The following PRR14L variants were observed in gnomAD, a reference collection of about 807,000 sequenced individuals.
PRR14L encodes the protein proline rich 14 like, also known as protein PRR14L.
A neutral mutation model predicts 155.0 loss-of-function variants in PRR14L; 80 were observed. The observed-to-expected ratio is 0.52, with a 90% CI of 0.43 to 0.62. The LOEUF is 0.62. PRR14L is among the 20% of genes least tolerant of loss of function. The pLI is 0.00. For missense variants in PRR14L, 2,469 were observed against 2,548.0 expected, an observed-to-expected ratio of 0.97 and a Z score of 0.67; for synonymous variants, 883 against 916.0, an observed-to-expected ratio of 0.96 and a Z score of 0.65.
At chr22:31,738,171 AG>A (rs2074792519) in intron 2 of PRR14L, among the ~76,000 whole-genome samples, 1 of 152,226 alleles carries the variant, frequency 6.6e-6, no homozygotes. Flanking sequence ...TCGCTGCTTC[AG>A]AGAACTGACA....
chr22:31,682,366 C>T lies in PRR14L; in HGVS notation c.*3161G>A, dbSNP rs1317082875. 1.3e-5 allele frequency: 2 copies of T among 151,214 alleles called. No individual in the cohort carries two copies. Among genetic ancestry groups the T allele is most frequent in the East Asian group, 1.9e-4 (1 of 5,174 alleles). 9.4% of individuals were successfully genotyped at this position (151,214 alleles called of 1,614,324 possible). A position where few individuals can be genotyped will look rare whatever the true frequency, so the allele number is the denominator to read the frequency against. ...GGGATTCACAGCATGGGTTTCTGGGCTCCTCAGGCTCCGAATAAGGCAAAC... is the reference window on the plus strand; with the variant it reads ...GGGATTCACAGCATGGGTTTCTGGGTTCCTCAGGCTCCGAATAAGGCAAAC... On this transcript the variant is annotated 3_prime_UTR_variant, in exon 9 of 9. Transcript: ENST00000327423.
intron 1 of PRR14L, among the ~76,000 whole-genome samples, chr22:31,747,616 T>C (rs2074846246): frequency 6.6e-6 from 1 of 151,790 alleles, no homozygotes; most frequent in Admixed American, 6.6e-5. Flanking sequence ...GAATAACTTT[T>C]CTATTTCCCT....
In PRR14L at chr22:31,715,564, G is replaced by A. The variant is rs530199043; in HGVS notation, c.2275C>T (p.Arg759Cys). The change falls in exon 4 of 9, where the codon CGC (arginine) becomes TGC (cysteine). Residue 759 changes from arginine (R) to cysteine (C), a missense_variant. By Grantham distance (180) the Arg-to-Cys change is radical. Transcript: ENST00000327423. ...CCAGCTGCTTCTCTCTTATTTGAGC[G>A]CAGCCTGGAATGTAGAGCTTTTGTT... ...SGTKALHSRL[R>C]SNKREAAGFP... The A allele has an allele frequency of 9.7e-6, 15 of 1,552,038 alleles. No homozygotes were observed. The highest frequency in any genetic ancestry group is 4.1e-5 in the African/African-American group (3 of 73,162).
intron 3 of PRR14L, among the ~76,000 whole-genome samples, chr22:31,720,012 G>C (rs1569499308): frequency 2.0e-5 from 3 of 152,086 alleles, no homozygotes; most frequent in South Asian, 2.1e-4. Flanking sequence ...CTGGGATTAT[G>C]GGTGTGACTC....
chr22:31,706,426 TCC>T, intron 4 of PRR14L, among the ~76,000 whole-genome samples: 4 of 146,828 alleles, frequency 2.7e-5, no homozygotes, highest in Admixed American at 1.4e-4. Flanking sequence ...ATTAAACTCT[TCC>T]TTTTTCTTTT....
chr22:31,710,875 C>G lies in PRR14L; in HGVS notation c.5756+1208G>C, dbSNP rs147785388. 3.5e-3 allele frequency among the ~76,000 whole-genome samples: 527 copies of G among 152,132 alleles called. 2 individuals are homozygous for G. The highest frequency in any genetic ancestry group is 0.012 in the African/African-American group (512 of 41,490). On this transcript the variant is annotated intron_variant, in intron 4 of 8. Coordinates refer to ENST00000327423, the MANE Select transcript of PRR14L (RefSeq NM_173566.3). ...TTCCAACTATTCTCAGTGATCACAC[C>G]CCAAGAACTCCTTCCCAGTTCACTT...
At chr22:31,710,459 CTT>C (rs11300993) in intron 4 of PRR14L, among the ~76,000 whole-genome samples, 1 of 145,906 alleles carries the variant, frequency 6.9e-6, no homozygotes. Context: ...TTTAGGGATT[CTT>C]TTTTTTTTTG....
chr22:31,737,169 G>A (rs1182546519), intron 2 of PRR14L, among the ~76,000 whole-genome samples: 3 of 152,072 alleles, frequency 2.0e-5, no homozygotes, highest in African/African-American at 7.2e-5. Flanking sequence ...CCGCTGGACA[G>A]GTACATTCCT....
intron 2 of PRR14L, 108 bp downstream of exon 2, chr22:31,738,279 G>A (rs975003478): frequency 7.4e-6 from 7 of 945,584 alleles, no homozygotes; most frequent in Middle Eastern, 2.2e-4. Context: ...TCGACATTTC[G>A]GAAATGTTTC....
rs546750289 is a variant in PRR14L at position 31,725,697 on chromosome 22, A to G, written c.475-87T>C. 7.7e-5 allele frequency: 66 copies of G among 854,374 alleles called. No homozygotes were observed. In the South Asian group the frequency reaches 1.1e-3, roughly 14 times the overall value. 52.9% of individuals were successfully genotyped at this position (854,374 alleles called of 1,614,324 possible). A position where few individuals can be genotyped will look rare whatever the true frequency, so the allele number is the denominator to read the frequency against. On this transcript the variant is annotated intron_variant, in intron 2 of 8. Coordinates refer to ENST00000327423, the MANE Select transcript of PRR14L (RefSeq NM_173566.3). ...TTATTATTATTATTTTTTGAGACAG[A>G]GTCTTGCTGTTCCCAGACTGAAGTG...
At chr22:31,718,866 G>C (rs573703861) in intron 3 of PRR14L, among the ~76,000 whole-genome samples, 1 of 148,586 alleles carries the variant, frequency 6.7e-6, no homozygotes, top group African/African-American at 2.5e-5. Context: ...ACGAGGTCAG[G>C]AGTTCAAGAC....
intron 4 of PRR14L, among the ~76,000 whole-genome samples, chr22:31,709,548 T>G (rs1042389288): frequency 3.5e-5 from 5 of 143,092 alleles, no homozygotes; most frequent in African/African-American, 7.8e-5. Context: ...TTTTTTTTTT[T>G]TTTTTTTTTT....
intron 4 of PRR14L, among the ~76,000 whole-genome samples, chr22:31,706,158 CCT>C (rs1484989142): frequency 6.6e-6 from 1 of 151,760 alleles, no homozygotes; most frequent in African/African-American, 2.4e-5. Context: ...ACGATGAAAC[CCT>C]GTCTCTACAA....
intron 2 of PRR14L, among the ~76,000 whole-genome samples, chr22:31,729,789 T>C (rs1011311969): frequency 6.6e-6 from 1 of 152,148 alleles, no homozygotes; most frequent in Admixed American, 6.6e-5. Context: ...TAATGCGTAC[T>C]GAGTTTCAGT....
chr22:31,712,920 C>T lies in PRR14L; in HGVS notation c.4919G>A (p.Cys1640Tyr). 2 of 1,551,848 alleles carry T rather than the reference C, an allele frequency of 1.3e-6. No homozygotes were observed. Among genetic ancestry groups the T allele is most frequent in the South Asian group, 1.2e-5 (1 of 84,064 alleles). The change falls in exon 4 of 9, where the codon TGT becomes TAT. Residue 1640 changes from cysteine to tyrosine, a missense_variant. Coordinates refer to ENST00000327423, the MANE Select transcript of PRR14L (RefSeq NM_173566.3). Reference sequence around the variant, plus strand: ...AGCCATTGGAAGAAGTTCAGAGGAACACCGTCGGTATCTTAGCTTCTGAGT... The same window carrying T: ...AGCCATTGGAAGAAGTTCAGAGGAATACCGTCGGTATCTTAGCTTCTGAGT... ...MKTQKLRYRRCSSELLPMAKS... is the reference protein window; with the variant it reads ...MKTQKLRYRRYSSELLPMAKS...
chr22:31,742,758 T>G (rs2074819238), intron 1 of PRR14L, among the ~76,000 whole-genome samples: 1 of 152,122 alleles, frequency 6.6e-6, no homozygotes, highest in African/African-American at 2.4e-5. Flanking sequence ...ACATAAAAAT[T>G]TGTACACAAA....
chr22:31,723,130 G>A (rs2074699797), intron 3 of PRR14L, among the ~76,000 whole-genome samples: 1 of 152,014 alleles, frequency 6.6e-6, no homozygotes, highest in Non-Finnish European at 1.5e-5. Context: ...AATGAACTAG[G>A]CCATTGCTGC....
chr22:31,685,522 G>C lies in PRR14L; in HGVS notation c.*5C>G, dbSNP rs115264220. 3.9e-6 allele frequency: 6 copies of C among 1,528,950 alleles called. No homozygotes were observed. In the African/African-American group the frequency reaches 8.4e-5, roughly 21 times the overall value. The allele number at this position is 1,528,950 out of a possible 1,614,324, so 94.7% of individuals were successfully genotyped here. A position where few individuals can be genotyped will look rare whatever the true frequency, so the allele number is the denominator to read the frequency against. On this transcript the variant is annotated 3_prime_UTR_variant, in exon 9 of 9. Coordinates refer to ENST00000327423, the MANE Select transcript of PRR14L (RefSeq NM_173566.3). The stretch of plus-strand genomic sequence containing the variant: ...AAAATTGAGACCCTCAAACTGAATC[G>C]CTTCTCAACAGCCTGATGATTGTTC...
At chr22:31,704,877 A>G (rs2074581701) in intron 4 of PRR14L, 151 bp from the exon 5 acceptor site, 6 of 582,738 alleles carry the variant, frequency 1.0e-5, no homozygotes. Flanking sequence ...CAACCAGGAG[A>G]GTTATATTTA....
Sources: gnomAD v4.1 joint callset for allele counts (sites outside exome capture counted in the v4.1 genomes callset) on GRCh38, gnomAD v4.1.1 for gene constraint, MANE v1.5 for transcripts, NCBI Gene and HGNC (gene_info 2026-07-23, HGNC 2026-07-21) for gene names.